The following HOXA3 variants were observed in gnomAD, a reference collection of about 807,000 sequenced individuals.
The protein encoded by HOXA3 is homeobox A3.
Under a neutral mutation model 30.3 loss-of-function variants are expected in HOXA3, and 8 were observed. The ratio of observed to expected loss-of-function variants is 0.26; its 90% confidence interval spans 0.15 to 0.48. The LOEUF (loss-of-function observed/expected upper bound fraction) is 0.48. Ranked by LOEUF, HOXA3 falls within the 20% of genes least tolerant of loss-of-function variation. The pLI is 0.99. For missense variants in HOXA3, 653 were observed against 614.4 expected, an observed-to-expected ratio of 1.06 and a Z score of -0.66; for synonymous variants, 323 against 273.1, an observed-to-expected ratio of 1.18 and a Z score of -1.80.
chr7:27,142,682 C>T (rs2128060380), intron 1 of HOXA3: 2 of 265,872 alleles, frequency 7.5e-6, no homozygotes, highest in African/African-American at 2.2e-5. Context: ...ATAAATTATC[C>T]GCCGTGACAA....
intron 1 of HOXA3, among the ~76,000 whole-genome samples, chr7:27,152,079 T>G (rs897947443): frequency 1.3e-5 from 2 of 148,820 alleles, no homozygotes; most frequent in African/African-American, 4.9e-5. Context: ...AAGGGAGTGG[T>G]GTGTGTGTGT....
At position 27,113,896 on chromosome 7, in the gene HOXA3, AC is replaced by A. The variant is rs1784527580; in HGVS notation, c.-120-3137del. On this transcript the variant is annotated intron_variant, in intron 4 of 5. Transcript: ENST00000612286. This position sits in a 1 kb window ranked among gnomAD's most constrained non-coding sequence, Gnocchi z 4.8. Reference sequence around the variant, plus strand: ...CCCCACCCACCCACCCCTCCCCCACACCCCCGCCCCCTGCCCTTCCCGAGGG... The same window carrying A: ...CCCCACCCACCCACCCCTCCCCCACACCCCGCCCCCTGCCCTTCCCGAGGG... The A allele has an allele frequency of 1.7e-5, 1 of 60,368 alleles. No homozygotes were observed. Among genetic ancestry groups the A allele is most frequent in the Non-Finnish European group, 3.8e-5 (1 of 26,128 alleles). 3.7% of individuals were successfully genotyped at this position (60,368 alleles called of 1,614,324 possible).
intron 4 of HOXA3, among the ~76,000 whole-genome samples, chr7:27,118,685 T>G (rs1293953191): frequency 1.3e-5 from 2 of 152,200 alleles, no homozygotes; most frequent in Admixed American, 6.5e-5. Context: ...TCCATTTAAC[T>G]TTCCTTACAG....
rs773255204 is a variant in HOXA3, at chr7:27,110,236, A to T, written c.405T>A (p.Pro135=). The change falls in exon 5 of 6, where the codon CCT becomes CCA. Residue 135 remains proline (P), a synonymous_variant. Transcript: ENST00000612286. ...ASPPQNASNN[P]TPANAAKSPL... ...GGCTCTTGGCCGCGTTGGCAGGGGT[A>T]GGGTTGTTGCTGGCATTCTGAGGAG... 2.6e-6 allele frequency: 4 copies of T among 1,567,364 alleles called. No individual in the cohort carries two copies. In the South Asian group the frequency reaches 4.4e-5, roughly 17 times the overall value.
intron 2 of HOXA3, chr7:27,130,524 A>G: frequency 7.4e-7 from 1 of 1,348,994 alleles, no homozygotes; most frequent in South Asian, 1.9e-5. Flanking sequence ...AGTAGGAGGC[A>G]GTGGGCTCTC....
intron 5 of HOXA3, among the ~76,000 whole-genome samples, chr7:27,109,480 T>C (rs73071550): frequency 0.15 from 22,680 of 152,186 alleles, 2,154 homozygotes; most frequent in African/African-American, 0.26. Flanking sequence ...ACCAAAATGC[T>C]AGGAAGCCTA....
chr7:27,118,907 G>A (rs1784871845), intron 4 of HOXA3, among the ~76,000 whole-genome samples: 1 of 152,172 alleles, frequency 6.6e-6, no homozygotes, highest in Non-Finnish European at 1.5e-5. Flanking sequence ...ATAATTACCT[G>A]ACAAAAGGTT....
At chr7:27,141,871 C>T in intron 1 of HOXA3, 1 of 1,614,234 alleles carries the variant, frequency 6.2e-7, no homozygotes, top group Non-Finnish European at 8.5e-7. Flanking sequence ...CGGCCATGCT[C>T]ATGCTTTTCA....
chr7:27,147,111 C>T (rs1782794825), intron 1 of HOXA3: 1 of 621,508 alleles, frequency 1.6e-6, no homozygotes, highest in Non-Finnish European at 2.8e-6. Context: ...ACACTGGGGC[C>T]TTGCCCTTCC....
intron 1 of HOXA3, chr7:27,143,163 C>T: frequency 6.2e-7 from 1 of 1,610,062 alleles, no homozygotes; most frequent in Non-Finnish European, 8.5e-7. Context: ...TCCTCCTCGG[C>T]TCCGGACGCC....
chr7:27,112,900 T>C (rs898750921), intron 4 of HOXA3, among the ~76,000 whole-genome samples: 3 of 152,218 alleles, frequency 2.0e-5, no homozygotes, highest in Non-Finnish European at 2.9e-5. Flanking sequence ...TCTTACAAAA[T>C]AACAAAAATA....
intron 1 of HOXA3, chr7:27,142,693 G>C: frequency 3.5e-6 from 1 of 285,256 alleles, no homozygotes. Context: ...GCCGTGACAA[G>C]CCCGATTCAC....
intron 1 of HOXA3, chr7:27,151,241 G>A (rs1052325929): frequency 3.3e-5 from 6 of 182,192 alleles, no homozygotes; most frequent in African/African-American, 1.4e-4. Flanking sequence ...GCTGTCCGAG[G>A]AGTTCTCGGG....
At chr7:27,117,572 T>C (rs1256897525) in intron 4 of HOXA3, among the ~76,000 whole-genome samples, 1 of 152,120 alleles carries the variant, frequency 6.6e-6, no homozygotes, top group African/African-American at 2.4e-5. Context: ...TGGGGAAGCA[T>C]GCTCTGCAAT....
chr7:27,147,758 C>G, intron 1 of HOXA3: 1 of 1,600,360 alleles, frequency 6.2e-7, no homozygotes. Context: ...ATTTGCGCGC[C>G]CCTCTGCAGG....
At chr7:27,131,760 T>A (rs1785567154) in intron 2 of HOXA3, among the ~76,000 whole-genome samples, 1 of 152,212 alleles carries the variant, frequency 6.6e-6, no homozygotes, top group South Asian at 2.1e-4. Flanking sequence ...AAGGGTAGAA[T>A]AAACACCTTG....
intron 1 of HOXA3, chr7:27,141,706 A>G: frequency 8.5e-7 from 1 of 1,175,166 alleles, no homozygotes. Flanking sequence ...CATGATTAAA[A>G]GATGAATTAG....
At chr7:27,114,844 T>TTATATATATTATATATTATATAG (rs1784607073) in intron 4 of HOXA3, among the ~76,000 whole-genome samples, 1 of 103,422 alleles carries the variant, frequency 9.7e-6, no homozygotes, top group African/African-American at 3.3e-5. Context: ...ATTATATATA[T>TTATATATATTATATATTATATAG]AATATATATT....
At position 27,110,692 on chromosome 7, in the gene HOXA3, T is replaced by A. The variant is rs759154671; in HGVS notation, c.-52A>T. On this transcript the variant is annotated 5_prime_UTR_variant, in exon 5 of 6. Transcript: ENST00000612286. ...CACTCTGACAGGGGTTTGACACCCG[T>A]GAGGGCGCACATTGGCACGCCCCCG... 6.3e-7 allele frequency: 1 copy of A among 1,585,490 alleles called. No homozygotes were observed. Among genetic ancestry groups the A allele is most frequent in the Admixed American group, 1.7e-5 (1 of 59,552 alleles).
Sources: gnomAD v4.1 joint callset for allele counts (sites outside exome capture counted in the v4.1 genomes callset) on GRCh38, gnomAD v4.1.1 for gene constraint, Gnocchi (gnomAD v3.1) non-coding constraint, MANE v1.5 for transcripts, NCBI Gene and HGNC (gene_info 2026-07-23, HGNC 2026-07-21) for gene names.